CFAP77: variants seen among roughly 807,000 people sequenced by gnomAD.
The protein encoded by CFAP77 is cilia- and flagella-associated protein 77.
Under a neutral mutation model 31.1 loss-of-function variants are expected in CFAP77, and 25 were observed. That is an observed-to-expected ratio of 0.80 (90% CI 0.59 to 1.12). The LOEUF (loss-of-function observed/expected upper bound fraction) is 1.12. CFAP77 is among the 50% of genes most tolerant of loss of function. CFAP77 has a pLI of 0.00. For synonymous variants in CFAP77, 151 were observed against 159.9 expected (o/e 0.94, Z 0.42); for missense variants, 377 against 397.3 (o/e 0.95, Z 0.44).
chr9:132,460,979 G>A (rs1352104493), intron 1 of CFAP77, among the ~76,000 whole-genome samples: 1 of 152,128 alleles, frequency 6.6e-6, no homozygotes, highest in Non-Finnish European at 1.5e-5. Flanking sequence ...ACCTGCCTCA[G>A]TCTCCCAAAG....
At chr9:132,476,347 G>A (rs577776695) in intron 1 of CFAP77, among the ~76,000 whole-genome samples, 5 of 152,190 alleles carry the variant, frequency 3.3e-5, no homozygotes, top group Non-Finnish European at 5.9e-5. Context: ...CTCCTCTTGT[G>A]GGGCTGGATG....
At chr9:132,441,381 T>G (rs1282719870) in intron 1 of CFAP77, among the ~76,000 whole-genome samples, 1 of 152,218 alleles carries the variant, frequency 6.6e-6, no homozygotes, top group African/African-American at 2.4e-5. Context: ...CAGTTGCTAT[T>G]CCACTGAAAT....
chr9:132,556,471 G>A (rs1008674900), intron 5 of CFAP77, among the ~76,000 whole-genome samples: 2 of 152,170 alleles, frequency 1.3e-5, no homozygotes, highest in African/African-American at 4.8e-5. Flanking sequence ...CCCATTGAAA[G>A]CGGCCTCACT....
At chr9:132,491,467 C>G (rs1452793116) in intron 1 of CFAP77, among the ~76,000 whole-genome samples, 1 of 152,174 alleles carries the variant, frequency 6.6e-6, no homozygotes, top group East Asian at 1.9e-4. Flanking sequence ...AACTCCATCT[C>G]AAAATCTGTA....
At chr9:132,458,357 G>GGGGGGTGGGGTGGGGT (rs139008147) in intron 1 of CFAP77, among the ~76,000 whole-genome samples, 4 of 119,046 alleles carry the variant, frequency 3.4e-5, no homozygotes, top group South Asian at 2.7e-4. Flanking sequence ...GAGGGGGGGG[G>GGGGGGTGGGGTGGGGT]GTGTGTATGG....
chr9:132,425,457 A>G (rs796134750), intron 1 of CFAP77, among the ~76,000 whole-genome samples: 72 of 152,140 alleles, frequency 4.7e-4, no homozygotes, highest in African/African-American at 1.7e-3. Flanking sequence ...ACAGTATTTA[A>G]ATGACTATGG....
intron 1 of CFAP77, among the ~76,000 whole-genome samples, chr9:132,449,168 G>C (rs1327668272): frequency 6.6e-6 from 1 of 152,220 alleles, no homozygotes; most frequent in East Asian, 1.9e-4. Context: ...TAAGCATCCA[G>C]TTTGGTTGAT....
At chr9:132,519,363 G>C in intron 3 of CFAP77, among the ~76,000 whole-genome samples, 1 of 146,978 alleles carries the variant, frequency 6.8e-6, no homozygotes, top group African/African-American at 2.5e-5. Flanking sequence ...TGGGTGGATG[G>C]TTGGGTGGAT....
chr9:132,556,847 C>G (rs1374982276), intron 5 of CFAP77, among the ~76,000 whole-genome samples: 1 of 152,202 alleles, frequency 6.6e-6, no homozygotes, highest in East Asian at 1.9e-4. Flanking sequence ...CCCCAGCCAG[C>G]CCCCAGGCCC....
chr9:132,559,346 C>CAAAAAAAAAGAAAAAAAAAAAAAAAA (rs1852958318), intron 5 of CFAP77, among the ~76,000 whole-genome samples: 1 of 56,082 alleles, frequency 1.8e-5, no homozygotes, highest in African/African-American at 8.2e-5. Flanking sequence ...CTCTGTCTTG[C>CAAAAAAAAAGAAAAAAAAAAAAAAAA]AAAAAAAAAA....
Position 132,554,981 on chromosome 9 carries a change from CATCCATCCTCAGCCATCT to C in CFAP77, c.732+11935_732+11952del, listed in dbSNP as rs1388221544. Reference sequence around the variant, plus strand: ...CCATCCATCCATCCATCCATCCATCCATCCATCCTCAGCCATCTGTCCATCTGTTTGTTCATCCAACCA... The same window carrying C: ...CCATCCATCCATCCATCCATCCATCCGTCCATCTGTTTGTTCATCCAACCA... On this transcript the variant is annotated intron_variant, in intron 5 of 5. Transcript: ENST00000393216. This position sits in a 1 kb window ranked among gnomAD's most constrained non-coding sequence, Gnocchi z 4.1. Among the ~76,000 whole-genome samples the C allele has an allele frequency of 4.9e-4, 73 of 149,348 alleles. No homozygotes were observed. Among genetic ancestry groups the C allele is most frequent in the African/African-American group, 1.7e-3 (65 of 38,964 alleles).
rs1685307685 is a variant in CFAP77, at chr9:132,455,664, G to C, written c.196-43031G>C. ...GAGGATCGCTTGAGCCTGGGAGGCGGAGGTTGTAGTGAGTTGAGATCGCAC... is the reference window on the plus strand; with the variant it reads ...GAGGATCGCTTGAGCCTGGGAGGCGCAGGTTGTAGTGAGTTGAGATCGCAC... On this transcript the variant is annotated intron_variant, in intron 1 of 5. Coordinates refer to ENST00000393216, the MANE Select transcript of CFAP77 (RefSeq NM_001282957.2). This position sits in a 1 kb window ranked among gnomAD's most constrained non-coding sequence, Gnocchi z 4.1. Among the ~76,000 whole-genome samples the C allele has an allele frequency of 6.6e-6, 1 of 152,144 alleles. No homozygotes were observed. Among genetic ancestry groups the C allele is most frequent in the South Asian group, 2.1e-4 (1 of 4,822 alleles).
intron 5 of CFAP77, among the ~76,000 whole-genome samples, chr9:132,569,896 C>G (rs1464680818): frequency 3.3e-5 from 5 of 152,068 alleles, no homozygotes; most frequent in Non-Finnish European, 5.9e-5. Context: ...CCACCACACC[C>G]AGCTAATTTT....
intron 3 of CFAP77, among the ~76,000 whole-genome samples, chr9:132,509,892 C>G (rs2118990369): frequency 6.6e-6 from 1 of 152,324 alleles, no homozygotes; most frequent in South Asian, 2.1e-4. Flanking sequence ...GGGCCCCAGA[C>G]TGGCTGCTCC....
chr9:132,550,216 G>A (rs1852802428), intron 5 of CFAP77, among the ~76,000 whole-genome samples: 1 of 152,194 alleles, frequency 6.6e-6, no homozygotes, highest in Non-Finnish European at 1.5e-5. Flanking sequence ...AGGCTTTTCT[G>A]TCTAATCTAG....
In CFAP77 at chr9:132,545,814, G is replaced by A. The variant is rs1302235353; in HGVS notation, c.732+2767G>A. 6.6e-6 allele frequency among the ~76,000 whole-genome samples: 1 copy of A among 152,184 alleles called. No individual in the cohort carries two copies. Among genetic ancestry groups the A allele is most frequent in the African/African-American group, 2.4e-5 (1 of 41,456 alleles). On this transcript the variant is annotated intron_variant, in intron 5 of 5. Transcript: ENST00000393216. The surrounding 1 kb of genome is among the most constrained non-coding windows in gnomAD (Gnocchi z 4.6). ...CATGGAAACTGAGGCTTGGAGAGGTGAGAAGTGGAGTCTGGGTCCAATCTG... is the reference window on the plus strand; with the variant it reads ...CATGGAAACTGAGGCTTGGAGAGGTAAGAAGTGGAGTCTGGGTCCAATCTG...
Position 132,467,611 on chromosome 9 carries a change from G to A in CFAP77, c.196-31084G>A, listed in dbSNP as rs531895161. ...CATTCTTCCATCGATGGACACTTGG[G>A]TTGTTTCCACCTTTTGGCTATTGTG... is the stretch of plus-strand genomic sequence containing the variant. On this transcript the variant is annotated intron_variant, in intron 1 of 5. Coordinates refer to ENST00000393216, the MANE Select transcript of CFAP77 (RefSeq NM_001282957.2). 1.8e-4 allele frequency among the ~76,000 whole-genome samples: 27 copies of A among 152,270 alleles called. 1 individual carries two copies. The South Asian group carries it at 4.2e-3, about 23-fold the overall frequency.
chr9:132,520,011 A>C (rs551541742), intron 3 of CFAP77, among the ~76,000 whole-genome samples: 1 of 151,966 alleles, frequency 6.6e-6, no homozygotes, highest in Admixed American at 6.6e-5. Flanking sequence ...CATGAGGTGC[A>C]CTGCCCTTCT....
At chr9:132,421,002 CTTTTTTT>C (rs754764941) in intron 1 of CFAP77, among the ~76,000 whole-genome samples, 1 of 74,516 alleles carries the variant, frequency 1.3e-5, no homozygotes, top group African/African-American at 4.5e-5. Context: ...TGGCTTGTGT[CTTTTTTT>C]TTTTTTTTTT....
Sources: gnomAD v4.1 joint callset for allele counts (sites outside exome capture counted in the v4.1 genomes callset) on GRCh38, gnomAD v4.1.1 for gene constraint, Gnocchi (gnomAD v3.1) non-coding constraint, MANE v1.5 for transcripts, NCBI Gene and HGNC (gene_info 2026-07-23, HGNC 2026-07-21) for gene names.